The following PLGRKT variants were observed in gnomAD, a reference collection of about 807,000 sequenced individuals.
PLGRKT encodes the protein plasminogen receptor with a C-terminal lysine.
Under a neutral mutation model 18.5 loss-of-function variants are expected in PLGRKT, and 22 were observed. That is an observed-to-expected ratio of 1.19 (90% CI 0.85 to 1.70). The LOEUF is 1.70. PLGRKT is among the 40% of genes most tolerant of loss of function. The pLI is 0.00. For missense variants in PLGRKT, 235 were observed against 174.4 expected (o/e 1.35, Z -1.96); for synonymous variants, 72 against 52.8 (o/e 1.36, Z -1.58).
intron 3 of PLGRKT, among the ~76,000 whole-genome samples, chr9:5,397,093 G>A (rs1175056518): frequency 6.6e-6 from 1 of 151,962 alleles, no homozygotes; most frequent in Non-Finnish European, 1.5e-5. Context: ...GATGCTGGAA[G>A]CAAATATTTT....
At chr9:5,373,988 C>G (rs745677917) in intron 3 of PLGRKT, among the ~76,000 whole-genome samples, 1 of 152,150 alleles carries the variant, frequency 6.6e-6, no homozygotes, top group Non-Finnish European at 1.5e-5. Flanking sequence ...CACTTTCCCC[C>G]AGAATGTCCT....
intron 3 of PLGRKT, among the ~76,000 whole-genome samples, chr9:5,383,832 A>G (rs12346633): frequency 6.6e-6 from 1 of 152,196 alleles, no homozygotes; most frequent in Non-Finnish European, 1.5e-5. Flanking sequence ...TAATGGGCCA[A>G]TGACCAGTAC....
chr9:5,406,721 T>C (rs550250624), intron 3 of PLGRKT, among the ~76,000 whole-genome samples: 2 of 152,102 alleles, frequency 1.3e-5, no homozygotes, highest in Non-Finnish European at 2.9e-5. Flanking sequence ...CGTTTGCCTA[T>C]GTAACAAAAT....
At chr9:5,432,047 C>T in intron 2 of PLGRKT, 64 bp from the exon 3 acceptor site, 1 of 741,272 alleles carries the variant, frequency 1.3e-6, no homozygotes. Flanking sequence ...GTATGCTCCA[C>T]TTTGAGCTAC....
intron 3 of PLGRKT, among the ~76,000 whole-genome samples, chr9:5,374,264 T>C (rs1468399236): frequency 6.6e-6 from 1 of 152,226 alleles, no homozygotes; most frequent in East Asian, 1.9e-4. Context: ...TACCCATCAA[T>C]AGAACCACTG....
intron 3 of PLGRKT, among the ~76,000 whole-genome samples, chr9:5,421,359 G>A (rs1052045086): frequency 3.3e-5 from 5 of 152,102 alleles, no homozygotes; most frequent in Admixed American, 6.5e-5. Context: ...TACCAAAAAT[G>A]GGGTTTCCCA....
intron 3 of PLGRKT, among the ~76,000 whole-genome samples, chr9:5,400,013 A>C (rs1818126833): frequency 6.6e-6 from 1 of 151,746 alleles, no homozygotes; most frequent in South Asian, 2.1e-4. Flanking sequence ...GAAATAAATA[A>C]ATAAATAAAG....
rs755176548 is a variant in PLGRKT, at chr9:5,361,104, T to C, written c.296A>G (p.Tyr99Cys). 5 of 1,591,104 alleles carry C rather than the reference T, an allele frequency of 3.1e-6. No individual in the cohort carries two copies. The highest frequency in any genetic ancestry group is 1.3e-5 in the African/African-American group (1 of 74,408). ...TTTCATTCTTTCTAAAAGGGTTCCA[T>C]AGCCCAAGTCATACTGGTAGGTGAG... is the stretch of plus-strand genomic sequence containing the variant. Reference protein sequence around the residue: ...FILTYQYDLGYGTLLERMKGE... With the variant: ...FILTYQYDLGCGTLLERMKGE... Residue 99 changes from tyrosine to cysteine, a missense_variant, in exon 5 of 6, where the codon TAT (tyrosine) becomes TGT (cysteine). Physicochemically the swap from Tyr to Cys is radical, Grantham distance 194. Coordinates refer to ENST00000223864, the MANE Select transcript of PLGRKT (RefSeq NM_018465.4).
At chr9:5,420,797 CA>C (rs1818561288) in intron 3 of PLGRKT, among the ~76,000 whole-genome samples, 1 of 152,110 alleles carries the variant, frequency 6.6e-6, no homozygotes, top group South Asian at 2.1e-4. Flanking sequence ...TTGCTTTCCT[CA>C]GAACATAGGA....
chr9:5,418,441 A>C lies in PLGRKT; in HGVS notation c.81+13456T>G, dbSNP rs1586738756. 5.2e-6 allele frequency: 5 copies of C among 962,502 alleles called. No homozygotes were observed. Among genetic ancestry groups the C allele is most frequent in the South Asian group, 5.1e-5 (4 of 78,176 alleles). 59.6% of individuals were successfully genotyped at this position (962,502 alleles called of 1,614,324 possible). On this transcript the variant is annotated intron_variant, in intron 3 of 5. Coordinates refer to ENST00000223864, the MANE Select transcript of PLGRKT (RefSeq NM_018465.4). The surrounding 1 kb of genome is among the most constrained non-coding windows in gnomAD (Gnocchi z 4.2). ...ATGGAGCACGATGCTGAGGAGGAAG[A>C]CCAAGACGCAAGCCACCAAGATGAC...
At chr9:5,398,378 C>A (rs1027202586) in intron 3 of PLGRKT, among the ~76,000 whole-genome samples, 6 of 151,922 alleles carry the variant, frequency 3.9e-5, no homozygotes, top group African/African-American at 1.5e-4. Context: ...TACATAAAAA[C>A]AATGACAACC....
Position 5,371,143 on chromosome 9 carries a change from A to C in PLGRKT, c.82-9255T>G, listed in dbSNP as rs554294638. Among the ~76,000 whole-genome samples, 3 of 152,378 alleles carry C rather than the reference A, an allele frequency of 2.0e-5. No homozygotes were observed. The East Asian group carries it at 5.8e-4, about 29-fold the overall frequency. On this transcript the variant is annotated intron_variant, in intron 3 of 5. Transcript: ENST00000223864. ...AATAAGGTTGCCATATGTAAAAATGAGAATTTCAGTTTGGCAAAAACCTGT... is the reference window on the plus strand; with the variant it reads ...AATAAGGTTGCCATATGTAAAAATGCGAATTTCAGTTTGGCAAAAACCTGT...
intron 3 of PLGRKT, among the ~76,000 whole-genome samples, chr9:5,394,707 G>A (rs1586723136): frequency 6.6e-6 from 1 of 151,902 alleles, no homozygotes; most frequent in Non-Finnish European, 1.5e-5. Flanking sequence ...GCCACTGCGT[G>A]ACAGGGAAGT....
At chr9:5,417,656 CTTT>C (rs199643819) in intron 3 of PLGRKT, among the ~76,000 whole-genome samples, 1 of 145,486 alleles carries the variant, frequency 6.9e-6, no homozygotes, top group South Asian at 2.1e-4. Context: ...GTAAAGTACT[CTTT>C]TTTTTTTTCT....
intron 3 of PLGRKT, among the ~76,000 whole-genome samples, chr9:5,362,102 A>C: frequency 6.6e-6 from 1 of 152,350 alleles, no homozygotes; most frequent in African/African-American, 2.4e-5. Context: ...TACAGAATAA[A>C]TATCAATATT....
chr9:5,383,243 G>A (rs772841501), intron 3 of PLGRKT, among the ~76,000 whole-genome samples: 5 of 152,126 alleles, frequency 3.3e-5, no homozygotes, highest in Admixed American at 1.3e-4. Flanking sequence ...TCAGAGAGAC[G>A]GTGGGCTTGC....
At chr9:5,415,331 GATAA>G (rs1460972981) in intron 3 of PLGRKT, among the ~76,000 whole-genome samples, 3 of 152,032 alleles carry the variant, frequency 2.0e-5, no homozygotes, top group Non-Finnish European at 1.5e-5. Context: ...TAAATAATTG[GATAA>G]ATAAACACAC....
At chr9:5,382,826 G>T (rs1446773385) in intron 3 of PLGRKT, among the ~76,000 whole-genome samples, 1 of 152,192 alleles carries the variant, frequency 6.6e-6, no homozygotes, top group Admixed American at 6.5e-5. Context: ...CAGACAGAAA[G>T]AAGTAGATGG....
At chr9:5,431,171 A>G (rs1225962462) in intron 3 of PLGRKT, among the ~76,000 whole-genome samples, 1 of 152,188 alleles carries the variant, frequency 6.6e-6, no homozygotes, top group Admixed American at 6.5e-5. Flanking sequence ...ATCCTTAAAC[A>G]ATCTTCAAAG....
Sources: gnomAD v4.1 joint callset for allele counts (sites outside exome capture counted in the v4.1 genomes callset) on GRCh38, gnomAD v4.1.1 for gene constraint, Gnocchi (gnomAD v3.1) non-coding constraint, MANE v1.5 for transcripts, NCBI Gene and HGNC (gene_info 2026-07-23, HGNC 2026-07-21) for gene names.